Variants in YPEL5 observed in about 807,000 individuals in gnomAD.
YPEL5 encodes the protein protein yippee-like 5.
In YPEL5, 1 loss-of-function variant was observed where a neutral mutation model predicts 10.5. That is an observed-to-expected ratio of 0.10 (90% confidence interval 0.03 to 0.45). The LOEUF is 0.45. YPEL5 is among the 20% of genes least tolerant of loss of function. YPEL5 has a pLI of 0.97. For missense variants in YPEL5, 68 were observed against 159.3 expected (o/e 0.43, Z 3.09); for synonymous variants, 61 against 56.6 (o/e 1.08, Z -0.35).
At chr2:30,156,580 A>C in intron 1 of YPEL5, 48 bp from the exon 2 acceptor site, 2 of 1,573,772 alleles carry the variant, frequency 1.3e-6, no homozygotes, top group Non-Finnish European at 1.7e-6. Flanking sequence ...AGTAGGTGCT[A>C]ACATGATTAT....
chr2:30,158,808 G>A lies in YPEL5; in HGVS notation c.331G>A (p.Gly111Ser), dbSNP rs1306596969. The A allele has an allele frequency of 6.2e-7, 1 of 1,614,130 alleles. No homozygotes were observed. Among genetic ancestry groups the A allele is most frequent in the Non-Finnish European group, 8.5e-7 (1 of 1,180,012 alleles). Reference sequence around the variant, plus strand: ...ACGTGCTCTAGTTCGAGAGAGTGAGGGCTTTGAGGAGCATGTACCATCTGA... The same window carrying A: ...ACGTGCTCTAGTTCGAGAGAGTGAGAGCTTTGAGGAGCATGTACCATCTGA... ...LERALVRESEGFEEHVPSDNS is the reference protein window; with the variant it reads ...LERALVRESESFEEHVPSDNS The change falls in exon 3 of 3, where the codon GGC becomes AGC. Residue 111 changes from glycine (G) to serine (S), a missense_variant. Gly to Ser is a moderately conservative substitution (Grantham distance 56). Coordinates refer to ENST00000261353, the MANE Select transcript of YPEL5 (RefSeq NM_016061.3).
intron 1 of YPEL5, 112 bp from the exon 2 acceptor site, chr2:30,156,514 TAC>T (rs1676045240): frequency 1.0e-6 from 1 of 1,003,906 alleles, no homozygotes; most frequent in Non-Finnish European, 1.5e-6. Flanking sequence ...CATCGAGTAC[TAC>T]AAAGCAGAGA....
At chr2:30,149,275 G>T (rs1675665596) in intron 1 of YPEL5, among the ~76,000 whole-genome samples, 2 of 152,170 alleles carry the variant, frequency 1.3e-5, no homozygotes, top group African/African-American at 4.8e-5. Flanking sequence ...AGGCATTATT[G>T]AGGGGGGAGA....
intron 1 of YPEL5, among the ~76,000 whole-genome samples, chr2:30,149,049 C>A (rs1675655392): frequency 6.6e-6 from 1 of 152,262 alleles, no homozygotes; most frequent in African/African-American, 2.4e-5. Context: ...AATTACACGT[C>A]AATCCATCTA....
At chr2:30,155,078 G>A (rs1397391060) in intron 1 of YPEL5, among the ~76,000 whole-genome samples, 1 of 152,120 alleles carries the variant, frequency 6.6e-6, no homozygotes, top group African/African-American at 2.4e-5. Context: ...AAATAATGCG[G>A]TAATCTTAAA....
At chr2:30,157,478 C>T (rs1267642018) in intron 2 of YPEL5, among the ~76,000 whole-genome samples, 1 of 152,102 alleles carries the variant, frequency 6.6e-6, no homozygotes, top group South Asian at 2.1e-4. Flanking sequence ...CAGCGAATAA[C>T]GATCATCTAA....
chr2:30,159,038 G>A lies in YPEL5; in HGVS notation c.*195G>A, dbSNP rs1161059620. ...TGTATTTTCCATCCAACAGCAGTGT[G>A]TAGAGAGAATATTATGCAGATGCCG... On this transcript the variant is annotated 3_prime_UTR_variant, in exon 3 of 3. Transcript: ENST00000261353. The A allele has an allele frequency of 1.3e-5, 8 of 605,868 alleles. No individual in the cohort carries two copies. Among genetic ancestry groups the A allele is most frequent in the African/African-American group, 7.4e-5 (4 of 53,990 alleles). 37.5% of individuals were successfully genotyped at this position (605,868 alleles called of 1,614,324 possible). A position where few individuals can be genotyped will look rare whatever the true frequency, so the allele number is the denominator to read the frequency against.
intron 2 of YPEL5, 72 bp from the exon 3 acceptor site, chr2:30,158,547 C>T: frequency 4.2e-6 from 6 of 1,432,926 alleles, no homozygotes; most frequent in Non-Finnish European, 5.9e-6. Flanking sequence ...TTGCATTAAC[C>T]ATAATATTTT....
At chr2:30,149,768 G>A (rs911879725) in intron 1 of YPEL5, among the ~76,000 whole-genome samples, 2 of 152,244 alleles carry the variant, frequency 1.3e-5, no homozygotes, top group African/African-American at 4.8e-5. Context: ...CCCTGCAGCA[G>A]TCTTTGTACC....
Position 30,158,786 on chromosome 2 carries a change from T to A in YPEL5, c.309T>A (p.Arg103=). Residue 103 remains arginine, a synonymous_variant, in exon 3 of 3, where the codon CGT becomes CGA. Transcript: ENST00000261353. ...AGGAAGGCCGCGTGATCCTGGAACGTGCTCTAGTTCGAGAGAGTGAGGGCT... is the reference window on the plus strand; with the variant it reads ...AGGAAGGCCGCGTGATCCTGGAACGAGCTCTAGTTCGAGAGAGTGAGGGCT... ...RYKEGRVILE[R]ALVRESEGFE... The A allele has an allele frequency of 6.2e-7, 1 of 1,614,192 alleles. No homozygotes were observed. The highest frequency in any genetic ancestry group is 8.5e-7 in the Non-Finnish European group (1 of 1,180,024).
At chr2:30,150,427 C>T (rs912633154) in intron 1 of YPEL5, among the ~76,000 whole-genome samples, 2 of 152,144 alleles carry the variant, frequency 1.3e-5, no homozygotes, top group African/African-American at 4.8e-5. Flanking sequence ...CCCAGTGTTT[C>T]CAAAGCTATT....
rs150155532 is a variant in YPEL5, at chr2:30,159,147, G to C, written c.*304G>C. 976 of 282,266 alleles carry C rather than the reference G, an allele frequency of 3.5e-3. 13 individuals are homozygous for C. The highest frequency in any genetic ancestry group is 0.02 in the African/African-American group (918 of 45,990). The allele number at this position is 282,266 out of a possible 1,614,324, so 17.5% of individuals were successfully genotyped here. On this transcript the variant is annotated 3_prime_UTR_variant, in exon 3 of 3. Transcript: ENST00000261353. ...GTGAGCTATGTAAGGAAAAAAATCT[G>C]GGCTGTTAGAGTGAAAAAGTGTGTT...
chr2:30,153,603 C>G (rs1675911055), intron 1 of YPEL5, among the ~76,000 whole-genome samples: 1 of 152,194 alleles, frequency 6.6e-6, no homozygotes, highest in African/African-American at 2.4e-5. Flanking sequence ...CCAGGGCTAC[C>G]TCTTGGAGCC....
chr2:30,153,248 C>T (rs1006882604), intron 1 of YPEL5, among the ~76,000 whole-genome samples: 1 of 152,154 alleles, frequency 6.6e-6, no homozygotes, highest in African/African-American at 2.4e-5. Flanking sequence ...TCTGGCTGCT[C>T]TAACAGGGTA....
chr2:30,153,657 C>T (rs1333156827), intron 1 of YPEL5, among the ~76,000 whole-genome samples: 1 of 152,224 alleles, frequency 6.6e-6, no homozygotes, highest in Non-Finnish European at 1.5e-5. Flanking sequence ...AGACCTTTGA[C>T]AGCAAGTGAT....
chr2:30,150,676 C>T (rs1471138343), intron 1 of YPEL5, among the ~76,000 whole-genome samples: 7 of 152,178 alleles, frequency 4.6e-5, no homozygotes, highest in Non-Finnish European at 1.0e-4. Flanking sequence ...TCAAATACTC[C>T]TATCTAGCTT....
At chr2:30,147,648 C>G (rs1042651882) in intron 1 of YPEL5, 1 of 152,286 alleles carries the variant, frequency 6.6e-6, no homozygotes, top group African/African-American at 2.4e-5. Context: ...GCGGCCCAGC[C>G]ACCGGGCTGG....
chr2:30,157,006 T>G (rs972396953), intron 2 of YPEL5, among the ~76,000 whole-genome samples: 6 of 152,116 alleles, frequency 3.9e-5, no homozygotes, highest in African/African-American at 1.4e-4. Flanking sequence ...AGAAGTAGGC[T>G]GGGCACAGTG....
intron 1 of YPEL5, among the ~76,000 whole-genome samples, chr2:30,152,559 TGG>T (rs1558356324): frequency 6.6e-6 from 1 of 152,196 alleles, no homozygotes; most frequent in African/African-American, 2.4e-5. Flanking sequence ...AGGAACAGCA[TGG>T]AAGCAGGAAG....
Sources: gnomAD v4.1 joint callset for allele counts (sites outside exome capture counted in the v4.1 genomes callset) on GRCh38, gnomAD v4.1.1 for gene constraint, MANE v1.5 for transcripts, NCBI Gene and HGNC (gene_info 2026-07-23, HGNC 2026-07-21) for gene names.